Variants in SLC35F1 observed in about 807,000 individuals in gnomAD.
The protein encoded by SLC35F1 is solute carrier family 35 member F1.
Under a neutral mutation model 48.7 loss-of-function variants are expected in SLC35F1, and 14 were observed. The observed-to-expected ratio is 0.29, with a 90% CI of 0.19 to 0.45. SLC35F1 has a LOEUF of 0.45. Among genes scored for constraint, SLC35F1 ranks in the 20% least tolerant of loss-of-function variants. SLC35F1 has a pLI of 1.00. For missense variants in SLC35F1, 404 were observed against 500.0 expected, an observed-to-expected ratio of 0.81 and a Z score of 1.83; for synonymous variants, 190 against 202.2, an observed-to-expected ratio of 0.94 and a Z score of 0.51.
rs181713950 is a variant in SLC35F1 at position 118,219,545 on chromosome 6, C to T, written c.350-15964C>T. ...TAGCGAGGATGTGGAGAAATAGGAA[C>T]ACTTTTACACTGTTGGTGGGACTGT... is the stretch of plus-strand genomic sequence containing the variant. On this transcript the variant is annotated intron_variant, in intron 2 of 7. Transcript: ENST00000360388. 4.8e-3 allele frequency among the ~76,000 whole-genome samples: 724 copies of T among 152,210 alleles called. 1 individual carries two copies. The highest frequency in any genetic ancestry group is 7.5e-3 in the Admixed American group (115 of 15,282).
chr6:118,277,240 T>C (rs1472329972), intron 5 of SLC35F1, among the ~76,000 whole-genome samples: 1 of 152,172 alleles, frequency 6.6e-6, no homozygotes, highest in Non-Finnish European at 1.5e-5. Context: ...GCAGACTGTT[T>C]GGGTGAGAAG....
At chr6:117,997,904 G>C (rs1777020365) in intron 1 of SLC35F1, among the ~76,000 whole-genome samples, 2 of 151,960 alleles carry the variant, frequency 1.3e-5, no homozygotes, top group African/African-American at 4.8e-5. Flanking sequence ...ATAATGACAG[G>C]ATCAAATTCA....
chr6:118,308,914 T>G (rs1278265221), intron 7 of SLC35F1, among the ~76,000 whole-genome samples: 1 of 152,164 alleles, frequency 6.6e-6, no homozygotes, highest in Non-Finnish European at 1.5e-5. Context: ...ACATGTCTTT[T>G]GAAGTTTAAC....
intron 6 of SLC35F1, among the ~76,000 whole-genome samples, chr6:118,283,715 A>C (rs1353247845): frequency 6.6e-6 from 1 of 152,156 alleles, no homozygotes; most frequent in African/African-American, 2.4e-5. Flanking sequence ...GGAGTACCAA[A>C]TTAATTTTTA....
chr6:118,022,286 C>T (rs1042816799), intron 1 of SLC35F1, among the ~76,000 whole-genome samples: 1 of 152,076 alleles, frequency 6.6e-6, no homozygotes, highest in Admixed American at 6.5e-5. Flanking sequence ...GGTAGCAAAC[C>T]AAGAGTAATT....
At chr6:117,930,858 A>G (rs1343120531) in intron 1 of SLC35F1, among the ~76,000 whole-genome samples, 1 of 152,174 alleles carries the variant, frequency 6.6e-6, no homozygotes, top group Non-Finnish European at 1.5e-5. Context: ...GGAGTAAAAT[A>G]ACCCATTGTA....
intron 1 of SLC35F1, among the ~76,000 whole-genome samples, chr6:118,039,815 T>G (rs1407504326): frequency 6.7e-6 from 1 of 149,922 alleles, no homozygotes; most frequent in African/African-American, 2.5e-5. Flanking sequence ...TTTGTTTTTT[T>G]TTTTTGCTTC....
intron 2 of SLC35F1, among the ~76,000 whole-genome samples, chr6:118,175,387 C>T (rs898346387): frequency 6.6e-6 from 1 of 152,078 alleles, no homozygotes; most frequent in Non-Finnish European, 1.5e-5. Context: ...AAATAAGAAG[C>T]TCAATCCTTT....
At chr6:117,953,529 A>T (rs550145196) in intron 1 of SLC35F1, among the ~76,000 whole-genome samples, 2 of 152,230 alleles carry the variant, frequency 1.3e-5, no homozygotes, top group South Asian at 4.2e-4. Context: ...ACTCCTATTT[A>T]CAAATCCACT....
intron 1 of SLC35F1, among the ~76,000 whole-genome samples, chr6:118,009,774 A>T (rs1777221699): frequency 6.6e-6 from 1 of 152,082 alleles, no homozygotes; most frequent in African/African-American, 2.4e-5. Context: ...CTTAGTATAA[A>T]TTTTATTCTC....
intron 1 of SLC35F1, among the ~76,000 whole-genome samples, chr6:118,033,611 TA>T (rs1772084094): frequency 4.7e-5 from 1 of 21,244 alleles, no homozygotes; most frequent in African/African-American, 1.1e-4. Context: ...ACATTCACAC[TA>T]GTTTTTTTTT....
In SLC35F1 at chr6:118,316,883, T is replaced by G. The variant is rs1056111231; in HGVS notation, c.*2631T>G. ...GAAAGGTTGATAATATATTGAATTGTTCAAGATCAGGAGTTCCAGACTGAC... is the reference window on the plus strand; with the variant it reads ...GAAAGGTTGATAATATATTGAATTGGTCAAGATCAGGAGTTCCAGACTGAC... On this transcript the variant is annotated 3_prime_UTR_variant, in exon 8 of 8. Transcript: ENST00000360388. The G allele has an allele frequency of 6.6e-6, 1 of 152,456 alleles. No homozygotes were observed. Among genetic ancestry groups the G allele is most frequent in the African/African-American group, 2.4e-5 (1 of 41,414 alleles). 9.4% of individuals were successfully genotyped at this position (152,456 alleles called of 1,614,324 possible). A position where few individuals can be genotyped will look rare whatever the true frequency, so the allele number is the denominator to read the frequency against.
intron 7 of SLC35F1, among the ~76,000 whole-genome samples, chr6:118,301,353 A>G (rs1776253191): frequency 1.3e-5 from 2 of 152,180 alleles, no homozygotes; most frequent in Non-Finnish European, 2.9e-5. Flanking sequence ...AAAAATTCAG[A>G]TCCCACACAA....
At chr6:118,230,250 G>A (rs963265884) in intron 2 of SLC35F1, among the ~76,000 whole-genome samples, 3 of 151,936 alleles carry the variant, frequency 2.0e-5, no homozygotes, top group African/African-American at 7.3e-5. Flanking sequence ...TGAGGCAGGA[G>A]CATCGCTTGA....
At chr6:118,002,671 T>C (rs919050029) in intron 1 of SLC35F1, among the ~76,000 whole-genome samples, 2 of 152,020 alleles carry the variant, frequency 1.3e-5, no homozygotes, top group African/African-American at 4.8e-5. Flanking sequence ...TAATAATTTT[T>C]TCAAGGTCAT....
At chr6:118,189,511 A>ATAT (rs1435424670) in intron 2 of SLC35F1, among the ~76,000 whole-genome samples, 1 of 152,178 alleles carries the variant, frequency 6.6e-6, no homozygotes, top group Admixed American at 6.6e-5. Flanking sequence ...TATATTTTAG[A>ATAT]TATTAACGCC....
intron 1 of SLC35F1, among the ~76,000 whole-genome samples, chr6:117,986,943 C>T (rs779724549): frequency 6.6e-6 from 1 of 152,140 alleles, no homozygotes; most frequent in Non-Finnish European, 1.5e-5. Flanking sequence ...AGGTAAGGCA[C>T]TGACTTACAT....
In SLC35F1 at chr6:118,228,983, T is replaced by A. The variant is rs142504278; in HGVS notation, c.350-6526T>A. On this transcript the variant is annotated intron_variant, in intron 2 of 7. Transcript: ENST00000360388. The stretch of plus-strand genomic sequence containing the variant: ...TCAGCTGAATTCATCTAGGGTGCTG[T>A]CTTGCAGCACTTTTATTATATACTC... 1.9e-4 allele frequency among the ~76,000 whole-genome samples: 29 copies of A among 151,308 alleles called. No homozygotes were observed. In the East Asian group the frequency reaches 5.1e-3, roughly 26 times the overall value.
chr6:118,086,512 GT>G (rs1772992818), intron 1 of SLC35F1, among the ~76,000 whole-genome samples: 1 of 152,122 alleles, frequency 6.6e-6, no homozygotes, highest in Non-Finnish European at 1.5e-5. Flanking sequence ...CTCATTCCTG[GT>G]TCTTCAATCC....
Sources: allele counts gnomAD v4.1 joint callset (sites outside exome capture counted in the v4.1 genomes callset), GRCh38; gene constraint gnomAD v4.1.1; transcripts MANE v1.5; gene names NCBI Gene and HGNC (gene_info 2026-07-23, HGNC 2026-07-21).